C8orf34: variants seen among roughly 807,000 people sequenced by gnomAD.
The protein encoded by C8orf34 is uncharacterized protein C8orf34.
C8orf34 carries 65 observed loss-of-function variants against 68.3 expected under a neutral mutation model. The observed-to-expected ratio is 0.95, with a 90% CI of 0.78 to 1.17. C8orf34 has a LOEUF of 1.17. Ranked by LOEUF, C8orf34 falls within the 50% of genes most tolerant of loss-of-function variation. The probability of loss-of-function intolerance (pLI) is 0.00; values close to 1 mark genes in which losing one functional copy is unlikely to be tolerated. For missense variants in C8orf34, 664 were observed against 655.4 expected, an observed-to-expected ratio of 1.01 and a Z score of -0.14; for synonymous variants, 244 against 241.2, an observed-to-expected ratio of 1.01 and a Z score of -0.11.
chr8:68,504,463 G>C (rs1188249734), intron 5 of C8orf34, among the ~76,000 whole-genome samples: 1 of 152,084 alleles, frequency 6.6e-6, no homozygotes, highest in African/African-American at 2.4e-5. Context: ...GGAATGCTAG[G>C]TCATATGGTA....
At chr8:68,649,732 C>T (rs1819287288) in intron 8 of C8orf34, among the ~76,000 whole-genome samples, 1 of 152,124 alleles carries the variant, frequency 6.6e-6, no homozygotes, top group South Asian at 2.1e-4. Context: ...CATATGTGTG[C>T]ACACTCACAC....
chr8:68,804,949 G>T (rs2129529722), intron 12 of C8orf34, among the ~76,000 whole-genome samples: 1 of 152,310 alleles, frequency 6.6e-6, no homozygotes, highest in Non-Finnish European at 1.5e-5. Flanking sequence ...TAAGGAGAGG[G>T]TTTGGGAATT....
At chr8:68,807,642 G>A (rs1478040777) in intron 12 of C8orf34, among the ~76,000 whole-genome samples, 1 of 151,994 alleles carries the variant, frequency 6.6e-6, no homozygotes, top group Non-Finnish European at 1.5e-5. Context: ...CTTGGCTTTA[G>A]AACACATGGC....
chr8:68,443,179 A>C (rs16934628), intron 2 of C8orf34, among the ~76,000 whole-genome samples: 5,390 of 152,128 alleles, frequency 0.035, 313 homozygotes, highest in African/African-American at 0.12. Context: ...CTAAGACATG[A>C]AACGGGATAT....
intron 7 of C8orf34, among the ~76,000 whole-genome samples, chr8:68,555,560 T>C (rs1012542919): frequency 1.2e-4 from 18 of 152,280 alleles, no homozygotes; most frequent in Admixed American, 9.2e-4. Flanking sequence ...TTCAGTCTTC[T>C]ATCTCCATCA....
At chr8:68,401,419 A>T (rs1360260548) in intron 1 of C8orf34, among the ~76,000 whole-genome samples, 1 of 152,104 alleles carries the variant, frequency 6.6e-6, no homozygotes, top group African/African-American at 2.4e-5. Flanking sequence ...AATGTTGAAT[A>T]GGAGTGGTCA....
At chr8:68,393,822 C>G (rs893333065) in intron 1 of C8orf34, among the ~76,000 whole-genome samples, 3 of 152,062 alleles carry the variant, frequency 2.0e-5, no homozygotes, top group Non-Finnish European at 4.4e-5. Context: ...CAAATACACT[C>G]TTGCTTCAGT....
At chr8:68,764,542 G>A (rs551583549) in intron 10 of C8orf34, among the ~76,000 whole-genome samples, 1 of 152,226 alleles carries the variant, frequency 6.6e-6, no homozygotes, top group East Asian at 1.9e-4. Flanking sequence ...AGTCTTCCTC[G>A]AACAAGTAGC....
intron 1 of C8orf34, among the ~76,000 whole-genome samples, chr8:68,399,407 A>T (rs1412108102): frequency 6.6e-6 from 1 of 152,128 alleles, no homozygotes; most frequent in Non-Finnish European, 1.5e-5. Flanking sequence ...GTAAGAACAT[A>T]CAGTATTTCT....
intron 7 of C8orf34, among the ~76,000 whole-genome samples, chr8:68,589,909 G>C (rs1445878903): frequency 7.8e-6 from 1 of 127,732 alleles, no homozygotes; most frequent in African/African-American, 2.9e-5. Context: ...AAGGAAGTAA[G>C]AAAAAGATGG....
At chr8:68,712,518 C>G (rs762002055) in intron 9 of C8orf34, among the ~76,000 whole-genome samples, 1 of 151,998 alleles carries the variant, frequency 6.6e-6, no homozygotes, top group Non-Finnish European at 1.5e-5. Flanking sequence ...CAAATGGACA[C>G]CAAAAGTGAG....
Position 68,553,405 on chromosome 8 carries a change from A to AAAC in C8orf34, c.1105+20258_1105+20259insCAA, listed in dbSNP as rs1563526305. 2.2e-3 allele frequency among the ~76,000 whole-genome samples: 314 copies of AAAC among 141,092 alleles called. 17 individuals are homozygous for AAAC. The highest frequency in any genetic ancestry group is 7.9e-3 in the African/African-American group (278 of 35,212). The allele number at this position is 141,092 out of a possible 152,430, so 92.6% of individuals were successfully genotyped here. A position where few individuals can be genotyped will look rare whatever the true frequency, so the allele number is the denominator to read the frequency against. On this transcript the variant is annotated intron_variant, in intron 7 of 13. Transcript: ENST00000518698. Reference sequence around the variant, plus strand: ...ATCTCAAAAAAAAAAAAAAAAAAAAAAAAAACATATCCTCCACTCATTTTT... The same window carrying AAAC: ...ATCTCAAAAAAAAAAAAAAAAAAAAAAACAAAAACATATCCTCCACTCATTTTT...
intron 1 of C8orf34, among the ~76,000 whole-genome samples, chr8:68,390,195 C>T (rs138373489): frequency 5.3e-5 from 8 of 152,194 alleles, no homozygotes; most frequent in South Asian, 4.1e-4. Flanking sequence ...GGCTGAAGGA[C>T]GTGAGGGCCC....
intron 8 of C8orf34, among the ~76,000 whole-genome samples, chr8:68,641,755 C>A (rs1463231037): frequency 6.6e-6 from 1 of 152,072 alleles, no homozygotes; most frequent in East Asian, 1.9e-4. Context: ...TTTTTCTAAT[C>A]TATTGAGGAT....
intron 12 of C8orf34, among the ~76,000 whole-genome samples, chr8:68,800,662 T>C (rs901138370): frequency 6.6e-6 from 1 of 152,218 alleles, no homozygotes; most frequent in African/African-American, 2.4e-5. Context: ...GTTTTCTCAC[T>C]GTATAGGTAG....
intron 1 of C8orf34, among the ~76,000 whole-genome samples, chr8:68,424,473 ACAAT>A (rs1184587632): frequency 6.6e-6 from 1 of 152,234 alleles, no homozygotes; most frequent in Non-Finnish European, 1.5e-5. Context: ...TGAGAAAAGG[ACAAT>A]CAACAAAAAC....
chr8:68,331,054 G>A lies in C8orf34; in HGVS notation c.42G>A (p.Ala14=). The change falls in exon 1 of 14, where the codon GCG becomes GCA. Residue 14 remains alanine, a synonymous_variant. Coordinates refer to ENST00000518698, the MANE Select transcript of C8orf34 (RefSeq NM_052958.4). ...CCTCGGAGTTGTCTGAGTTGGCGGCGCTGCGCCCAGGCTTCCGGCTCTCAG... is the reference window on the plus strand; with the variant it reads ...CCTCGGAGTTGTCTGAGTTGGCGGCACTGCGCCCAGGCTTCCGGCTCTCAG... ...PLASELSELA[A]LRPGFRLSAP... 2 of 1,478,858 alleles carry A rather than the reference G, an allele frequency of 1.4e-6. No individual in the cohort carries two copies. Among genetic ancestry groups the A allele is most frequent in the South Asian group, 1.3e-5 (1 of 77,142 alleles). The allele number at this position is 1,478,858 out of a possible 1,614,324, so 91.6% of individuals were successfully genotyped here. A position where few individuals can be genotyped will look rare whatever the true frequency, so the allele number is the denominator to read the frequency against.
At chr8:68,550,920 C>A (rs188199864) in intron 7 of C8orf34, among the ~76,000 whole-genome samples, 16 of 151,256 alleles carry the variant, frequency 1.1e-4, no homozygotes, top group South Asian at 8.3e-4. Flanking sequence ...TGCTTCCCCC[C>A]CTCTGGTTTC....
chr8:68,598,587 T>C (rs910857935), intron 7 of C8orf34, among the ~76,000 whole-genome samples: 18 of 152,280 alleles, frequency 1.2e-4, no homozygotes, highest in African/African-American at 4.3e-4. Context: ...GATTTCTCTA[T>C]TATGACTACT....
Sources: gnomAD v4.1 joint callset for allele counts (sites outside exome capture counted in the v4.1 genomes callset) on GRCh38, gnomAD v4.1.1 for gene constraint, MANE v1.5 for transcripts, NCBI Gene and HGNC (gene_info 2026-07-23, HGNC 2026-07-21) for gene names.